Variants in ATP11B observed in about 807,000 individuals in gnomAD.
The protein encoded by ATP11B is ATPase phospholipid transporting 11B (putative).
ATP11B carries 81 observed loss-of-function variants against 157.8 expected under a neutral mutation model. That is an observed-to-expected ratio of 0.51 (90% CI 0.43 to 0.62). The LOEUF (loss-of-function observed/expected upper bound fraction) is 0.62. ATP11B is among the 20% of genes least tolerant of loss of function. The pLI, the probability that ATP11B is intolerant of heterozygous loss-of-function variation, is 0.00. For synonymous variants in ATP11B, 451 were observed against 469.4 expected, an observed-to-expected ratio of 0.96 and a Z score of 0.51; for missense variants, 1,165 against 1,402.2, an observed-to-expected ratio of 0.83 and a Z score of 2.70.
chr3:182,817,538 C>T (rs183419050), intron 1 of ATP11B, among the ~76,000 whole-genome samples: 12 of 152,240 alleles, frequency 7.9e-5, no homozygotes, highest in Admixed American at 4.6e-4. Context: ...CTCGGCCTCC[C>T]GAAGTGCTGG....
At chr3:182,830,104 GAT>G (rs1020639770) in intron 4 of ATP11B, 5 of 322,404 alleles carry the variant, frequency 1.6e-5, no homozygotes, top group African/African-American at 2.3e-5. Context: ...ATTCAAAAGA[GAT>G]ATGTTTATAG....
intron 25 of ATP11B, among the ~76,000 whole-genome samples, chr3:182,892,898 A>G (rs1390395261): frequency 6.6e-6 from 1 of 152,216 alleles, no homozygotes; most frequent in Non-Finnish European, 1.5e-5. Flanking sequence ...TTACTCCTTA[A>G]TGAGTTGCCA....
chr3:182,825,680 G>A (rs994937891), intron 2 of ATP11B, among the ~76,000 whole-genome samples: 1 of 149,936 alleles, frequency 6.7e-6, no homozygotes, highest in African/African-American at 2.5e-5. Context: ...CAGAGATCGA[G>A]CCACTGCACT....
intron 24 of ATP11B, among the ~76,000 whole-genome samples, chr3:182,888,534 T>G (rs956404683): frequency 2.0e-5 from 3 of 152,146 alleles, no homozygotes; most frequent in African/African-American, 7.2e-5. Flanking sequence ...CTTTTTTTCT[T>G]TTTTGAGACA....
intron 22 of ATP11B, among the ~76,000 whole-genome samples, chr3:182,885,535 G>A (rs1056263945): frequency 2.6e-5 from 4 of 152,036 alleles, no homozygotes; most frequent in East Asian, 1.9e-4. Flanking sequence ...TGTAATATGA[G>A]TATATTGAGA....
chr3:182,855,995 A>G (rs1720370484), intron 10 of ATP11B, among the ~76,000 whole-genome samples: 1 of 152,196 alleles, frequency 6.6e-6, no homozygotes, highest in Non-Finnish European at 1.5e-5. Context: ...AAAACTAAAC[A>G]TGTTTACCAT....
chr3:182,886,095 A>C (rs1722776464), intron 23 of ATP11B, 85 bp downstream of exon 23: 1 of 902,162 alleles, frequency 1.1e-6, no homozygotes, highest in Non-Finnish European at 1.6e-6. Flanking sequence ...GTTTGAAGGG[A>C]CTTTTTTCAT....
Position 182,841,760 on chromosome 3 carries a change from T to G in ATP11B, c.657-315T>G, listed in dbSNP as rs563236112. ...TTGGGAGACCGAGGTGGGCGGATCATGAGGTCAGGAGATCGAGACCATCCT... is the reference window on the plus strand; with the variant it reads ...TTGGGAGACCGAGGTGGGCGGATCAGGAGGTCAGGAGATCGAGACCATCCT... On this transcript the variant is annotated intron_variant, in intron 7 of 29. Coordinates refer to ENST00000323116, the MANE Select transcript of ATP11B (RefSeq NM_014616.3). Among the ~76,000 whole-genome samples the G allele has an allele frequency of 7.4e-3, 1,124 of 151,486 alleles. 12 individuals are homozygous for G. The highest frequency in any genetic ancestry group is 0.026 in the African/African-American group (1,077 of 40,988).
At chr3:182,837,298 G>A in intron 7 of ATP11B, 124 bp downstream of exon 7, 1 of 640,632 alleles carries the variant, frequency 1.6e-6, no homozygotes, top group Non-Finnish European at 2.5e-6. Context: ...TGGGTTGGTG[G>A]GAGATGCAAT....
intron 12 of ATP11B, 124 bp downstream of exon 12, chr3:182,859,483 C>T (rs1312595545): frequency 4.1e-6 from 3 of 727,138 alleles, no homozygotes; most frequent in Non-Finnish European, 6.2e-6. Flanking sequence ...CTTTGCTCCA[C>T]TCCTAGCTGT....
intron 28 of ATP11B, among the ~76,000 whole-genome samples, chr3:182,909,737 C>T (rs1451004859): frequency 6.6e-6 from 1 of 152,124 alleles, no homozygotes; most frequent in Non-Finnish European, 1.5e-5. Context: ...CTATAGATAG[C>T]TTTACAGAAA....
At chr3:182,820,420 A>C in intron 2 of ATP11B, 44 bp downstream of exon 2, 16 of 1,308,900 alleles carry the variant, frequency 1.2e-5, no homozygotes, top group Middle Eastern at 1.8e-4. Context: ...GCAGTGGCTC[A>C]TACCCATCAT....
chr3:182,849,212 C>T (rs1427976307), intron 10 of ATP11B, among the ~76,000 whole-genome samples: 2 of 152,128 alleles, frequency 1.3e-5, no homozygotes, highest in Non-Finnish European at 2.9e-5. Context: ...TATACATGTG[C>T]AAGGGAGACA....
intron 28 of ATP11B, among the ~76,000 whole-genome samples, chr3:182,905,020 T>A (rs867907062): frequency 5.3e-5 from 8 of 152,158 alleles, no homozygotes; most frequent in Non-Finnish European, 1.2e-4. Context: ...TATTAAGGTA[T>A]CTTCACATAA....
chr3:182,848,504 T>C lies in ATP11B; in HGVS notation c.798T>C (p.Thr266=), dbSNP rs1272729312. 1 of 1,581,296 alleles carries C rather than the reference T, an allele frequency of 6.3e-7. No individual in the cohort carries two copies. Among genetic ancestry groups the C allele is most frequent in the Admixed American group, 1.8e-5 (1 of 57,054 alleles). ...FGVAVYTGME[T]KMALNYKSKS... ...TTGCGGTATACACTGGAATGGAAACTAAGATGGCATTAAATTACAAGAGCA... is the reference window on the plus strand; with the variant it reads ...TTGCGGTATACACTGGAATGGAAACCAAGATGGCATTAAATTACAAGAGCA... The change falls in exon 10 of 30, where the codon ACT becomes ACC. Residue 266 remains threonine, a synonymous_variant. Coordinates refer to ENST00000323116, the MANE Select transcript of ATP11B (RefSeq NM_014616.3).
At chr3:182,873,109 G>A (rs539149805) in intron 18 of ATP11B, among the ~76,000 whole-genome samples, 104 of 152,128 alleles carry the variant, frequency 6.8e-4, no homozygotes, top group African/African-American at 2.3e-3. Flanking sequence ...TGTCTTTGTG[G>A]CACTATATTA....
chr3:182,865,282 T>G, intron 12 of ATP11B, among the ~76,000 whole-genome samples, 174 bp from the exon 13 acceptor site: 1 of 152,338 alleles, frequency 6.6e-6, no homozygotes, highest in South Asian at 2.1e-4. Flanking sequence ...CTGTTTTCTT[T>G]CCTTGGCATC....
chr3:182,852,214 A>C (rs964532693), intron 10 of ATP11B, among the ~76,000 whole-genome samples: 6 of 152,214 alleles, frequency 3.9e-5, no homozygotes, highest in African/African-American at 1.4e-4. Flanking sequence ...AATTTCTTCA[A>C]ATAGAATGGT....
intron 1 of ATP11B, among the ~76,000 whole-genome samples, chr3:182,810,786 C>T (rs535101603): frequency 6.6e-6 from 1 of 152,304 alleles, no homozygotes; most frequent in South Asian, 2.1e-4. Flanking sequence ...AGATAAGCAG[C>T]ACCTTCTAAC....
Sources: gnomAD v4.1 joint callset for allele counts (sites outside exome capture counted in the v4.1 genomes callset) on GRCh38, gnomAD v4.1.1 for gene constraint, MANE v1.5 for transcripts, NCBI Gene and HGNC (gene_info 2026-07-23, HGNC 2026-07-21) for gene names.